LGSN: variants seen among roughly 807,000 people sequenced by gnomAD.
The protein encoded by LGSN is lengsin.
LGSN carries 21 observed loss-of-function variants against 19.5 expected under a neutral mutation model. That is an observed-to-expected ratio of 1.07 (90% CI 0.76 to 1.55). LGSN has a LOEUF of 1.55. Ranked by LOEUF, LGSN falls within the 40% of genes most tolerant of loss-of-function variation. The pLI is 0.00. For missense variants in LGSN, 673 were observed against 608.5 expected, an observed-to-expected ratio of 1.11 and a Z score of -1.12; for synonymous variants, 257 against 215.6, an observed-to-expected ratio of 1.19 and a Z score of -1.68.
the LGSN span, among the ~76,000 whole-genome samples, chr6:63,426,232 G>A: frequency 6.6e-6 from 1 of 152,080 alleles, no homozygotes; most frequent in Non-Finnish European, 1.5e-5. Context: ...TAGCATCCAA[G>A]TTTTATGATC....
the LGSN span, among the ~76,000 whole-genome samples, chr6:63,496,119 T>C: frequency 6.6e-6 from 1 of 152,064 alleles, no homozygotes; most frequent in African/African-American, 2.4e-5. Context: ...AAAGATGGGA[T>C]TTCACATGTT....
chr6:63,287,683 A>G (rs1287817210), intron 2 of LGSN, among the ~76,000 whole-genome samples: 1 of 152,008 alleles, frequency 6.6e-6, no homozygotes, highest in Non-Finnish European at 1.5e-5. Context: ...ACTCCAGCCT[A>G]TGCAACAAAG....
rs1767123505 is a variant in LGSN, at chr6:63,277,030, T to C, written c.*2991A>G. On this transcript the variant is annotated 3_prime_UTR_variant, in exon 4 of 4. Coordinates refer to ENST00000370657, the MANE Select transcript of LGSN (RefSeq NM_016571.3). ...TGGAAACTGCCACACCAACTTACGT[T>C]ATCAACTGATTTGTAATCTATGGCT... 1 of 152,242 alleles carries C rather than the reference T, an allele frequency of 6.6e-6. No individual in the cohort carries two copies. 9.4% of individuals were successfully genotyped at this position (152,242 alleles called of 1,614,324 possible).
the LGSN span, among the ~76,000 whole-genome samples, chr6:63,385,393 C>T: frequency 6.6e-6 from 1 of 152,194 alleles, no homozygotes; most frequent in Non-Finnish European, 1.5e-5. Flanking sequence ...ATCACTCTGT[C>T]TTCAAATGTC....
At chr6:63,529,167 ATATATATATGTATATATATGTGTG>A in the LGSN span, among the ~76,000 whole-genome samples, 32 of 147,202 alleles carry the variant, frequency 2.2e-4, no homozygotes, top group African/African-American at 7.9e-4. Flanking sequence ...ATGTGTGTAT[ATATATATATGTATATATATGTGTG>A]TATATATATA....
chr6:63,570,001 G>A, the LGSN span, among the ~76,000 whole-genome samples: 1 of 152,196 alleles, frequency 6.6e-6, no homozygotes, highest in South Asian at 2.1e-4. Flanking sequence ...CCTCAGCATA[G>A]CAGTGAACCA....
chr6:63,532,359 G>A, the LGSN span, among the ~76,000 whole-genome samples: 1 of 151,880 alleles, frequency 6.6e-6, no homozygotes, highest in Non-Finnish European at 1.5e-5. Flanking sequence ...TTAGCTTCTG[G>A]ATTCATACCT....
the LGSN span, among the ~76,000 whole-genome samples, chr6:63,445,414 T>C: frequency 3.9e-5 from 6 of 152,154 alleles, no homozygotes; most frequent in Admixed American, 2.6e-4. Flanking sequence ...GGTCAGGAGC[T>C]CGCGACCAGC....
chr6:63,528,484 G>A, the LGSN span, among the ~76,000 whole-genome samples: 1 of 152,034 alleles, frequency 6.6e-6, no homozygotes, highest in East Asian at 1.9e-4. Flanking sequence ...TAATACTTTG[G>A]GAGGCCAAGG....
the LGSN span, among the ~76,000 whole-genome samples, chr6:63,468,585 A>AATG: frequency 1.4e-5 from 2 of 146,008 alleles, no homozygotes; most frequent in South Asian, 2.2e-4. Context: ...GTGCCACCAC[A>AATG]CCTGCCTAAT....
At chr6:63,503,678 G>C in the LGSN span, among the ~76,000 whole-genome samples, 1 of 152,198 alleles carries the variant, frequency 6.6e-6, no homozygotes, top group Non-Finnish European at 1.5e-5. Flanking sequence ...ACTCTGGGAG[G>C]GCGAGGCTGG....
chr6:63,505,621 G>GAAATAAAT, the LGSN span, among the ~76,000 whole-genome samples: 211 of 97,906 alleles, frequency 2.2e-3, 21 homozygotes, highest in African/African-American at 5.0e-3. Context: ...AAGAAAGAAA[G>GAAATAAAT]AAAGAAAGAA....
the LGSN span, among the ~76,000 whole-genome samples, chr6:63,555,951 A>G: frequency 4.0e-5 from 6 of 151,614 alleles, no homozygotes; most frequent in African/African-American, 1.2e-4. Context: ...TCAGCCTCCC[A>G]AAGTCCTGGG....
At chr6:63,386,192 A>T in the LGSN span, among the ~76,000 whole-genome samples, 1 of 152,146 alleles carries the variant, frequency 6.6e-6, no homozygotes, top group Non-Finnish European at 1.5e-5. Flanking sequence ...TTTGATAGAG[A>T]CTTTATAAGC....
the LGSN span, among the ~76,000 whole-genome samples, chr6:63,569,201 A>G: frequency 1.1e-4 from 17 of 152,152 alleles, no homozygotes; most frequent in African/African-American, 3.9e-4. Flanking sequence ...AGATTTGCCA[A>G]TCTTCCTCTG....
At chr6:63,537,287 A>G in the LGSN span, among the ~76,000 whole-genome samples, 4 of 152,216 alleles carry the variant, frequency 2.6e-5, no homozygotes. Flanking sequence ...ATCAGGCCCT[A>G]TTCCAGACCT....
At chr6:63,490,576 T>TATG in the LGSN span, among the ~76,000 whole-genome samples, 2 of 151,860 alleles carry the variant, frequency 1.3e-5, no homozygotes, top group Non-Finnish European at 2.9e-5. Flanking sequence ...ATTTTTTATT[T>TATG]ATTATTATTA....
the LGSN span, chr6:63,548,851 C>T: frequency 1.3e-6 from 1 of 760,364 alleles, no homozygotes. Context: ...CTGATAGCTC[C>T]CACTAGCTTA....
At chr6:63,458,365 C>T in the LGSN span, among the ~76,000 whole-genome samples, 2 of 152,186 alleles carry the variant, frequency 1.3e-5, no homozygotes, top group South Asian at 2.1e-4. Flanking sequence ...TCGGGCCCGG[C>T]TAGCCTTTCA....
Sources: allele counts gnomAD v4.1 joint callset (sites outside exome capture counted in the v4.1 genomes callset), GRCh38; gene constraint gnomAD v4.1.1; transcripts MANE v1.5; gene names NCBI Gene and HGNC (gene_info 2026-07-23, HGNC 2026-07-21).